The following ZNF37A variants were observed in gnomAD, a reference collection of about 807,000 sequenced individuals.
ZNF37A encodes the protein zinc finger protein 37a (KOX 21).
Under a neutral mutation model 12.3 loss-of-function variants are expected in ZNF37A, and 10 were observed. That is an observed-to-expected ratio of 0.82 (90% CI 0.50 to 1.38). The LOEUF (loss-of-function observed/expected upper bound fraction) is 1.38. Ranked by LOEUF, ZNF37A falls within the 40% of genes most tolerant of loss-of-function variation. The pLI is 0.00. For synonymous variants in ZNF37A, 207 were observed against 223.0 expected (o/e 0.93, Z 0.64); for missense variants, 580 against 651.2 (o/e 0.89, Z 1.19).
downstream of ZNF37A, among the ~76,000 whole-genome samples, chr10:38,126,779 T>C (rs2069934409): frequency 6.6e-6 from 1 of 152,188 alleles, no homozygotes; most frequent in Non-Finnish European, 1.5e-5. Context: ...GCAGAAATCT[T>C]CGCACACTTG....
intron 5 of ZNF37A, among the ~76,000 whole-genome samples, chr10:38,104,456 G>GTTTTTTTTTTTTTTTTTTTTTTT (rs1491239433): frequency 6.9e-6 from 1 of 144,864 alleles, no homozygotes. Flanking sequence ...ATGCTGAGAG[G>GTTTTTTTTTTTTTTTTTTTTTTT]TGTTTTTTGT....
chr10:38,117,889 T>C lies in ZNF37A; in HGVS notation c.738T>C (p.Asn246=). ...THSINNIIEY[N]ECGTFFSEKL... Reference sequence around the variant, plus strand: ...CAATTAACAATATTATTGAATATAATGAGTGTGGAACATTTTTCAGTGAAA... The same window carrying C: ...CAATTAACAATATTATTGAATATAACGAGTGTGGAACATTTTTCAGTGAAA... The change falls in exon 8 of 8, where the codon AAT becomes AAC. Residue 246 remains asparagine (N), a synonymous_variant. Coordinates refer to ENST00000685332, the MANE Select transcript of ZNF37A (RefSeq NM_001324250.3). 1 of 1,613,988 alleles carries C rather than the reference T, an allele frequency of 6.2e-7. No individual in the cohort carries two copies. The highest frequency in any genetic ancestry group is 1.1e-5 in the South Asian group (1 of 91,072).
At chr10:38,098,883 T>A (rs370090093) in intron 5 of ZNF37A, among the ~76,000 whole-genome samples, 2 of 70,302 alleles carry the variant, frequency 2.8e-5, no homozygotes, top group Non-Finnish European at 6.3e-5. Context: ...GCTTTTTGAC[T>A]GTGCACAACT....
chr10:38,103,628 CTG>C (rs1190197457), intron 5 of ZNF37A, among the ~76,000 whole-genome samples: 1 of 152,146 alleles, frequency 6.6e-6, no homozygotes, highest in Non-Finnish European at 1.5e-5. Context: ...TTATTGAAAA[CTG>C]AACATTTTGA....
intron 7 of ZNF37A, chr10:38,142,123 G>C (rs965529922): frequency 6.6e-6 from 1 of 152,142 alleles, no homozygotes; most frequent in African/African-American, 2.4e-5. Context: ...GCATCAAAAG[G>C]GGGAGCAGGG....
chr10:38,136,952 C>T (rs982738437), intron 7 of ZNF37A, among the ~76,000 whole-genome samples: 5 of 152,048 alleles, frequency 3.3e-5, no homozygotes, highest in African/African-American at 1.2e-4. Context: ...AGAGTATTTT[C>T]AGTTATTGTA....
Position 38,115,187 on chromosome 10 carries a change from A to AT in ZNF37A, c.143-6dup. ...GTTTGTCCCAAGTAATACAATTCTC[A>AT]TTCACAGGGTATTGCATTCCTAAAC... On this transcript the variant is annotated splice_polypyrimidine_tract_variant and splice_region_variant and intron_variant, in intron 6 of 7. Coordinates refer to ENST00000685332, the MANE Select transcript of ZNF37A (RefSeq NM_001324250.3). 6.2e-7 allele frequency: 1 copy of AT among 1,611,780 alleles called. No individual in the cohort carries two copies. The highest frequency in any genetic ancestry group is 8.5e-7 in the Non-Finnish European group (1 of 1,179,324).
At chr10:38,135,630 C>A (rs768296371) in intron 7 of ZNF37A, among the ~76,000 whole-genome samples, 1 of 152,134 alleles carries the variant, frequency 6.6e-6, no homozygotes, top group East Asian at 1.9e-4. Context: ...AAGTATCTGA[C>A]ACTGGGTATT....
intron 7 of ZNF37A, chr10:38,141,868 G>GGGAGGT (rs1434494052): frequency 1.3e-4 from 20 of 152,168 alleles, no homozygotes; most frequent in African/African-American, 4.8e-4. Flanking sequence ...CCAGCACTTT[G>GGGAGGT]GGAGGTGGAG....
At position 38,118,081 on chromosome 10, in the gene ZNF37A, G is replaced by C. The variant is rs754288527; in HGVS notation, c.930G>C (p.Lys310Asn). 1.2e-6 allele frequency: 2 copies of C among 1,613,534 alleles called. No homozygotes were observed. Among genetic ancestry groups the C allele is most frequent in the Admixed American group, 3.3e-5 (2 of 59,920 alleles). ...ATGAATGTGGGAAGACCTTCTATAA[G>C]AATTCAGACCTCATTAAACATCAAA... ...ECHECGKTFY[K>N]NSDLIKHQRI... is the part of the protein sequence containing the mutation. Residue 310 changes from lysine (K) to asparagine (N), a missense_variant, in exon 8 of 8, where the codon AAG becomes AAC. Transcript: ENST00000685332.
Position 38,120,724 on chromosome 10 carries a change from A to C in ZNF37A, c.*1887A>C, listed in dbSNP as rs2136049902. ...GGGGTCAGGGGAAGGCATGGGGGGG[A>C]CCAGAAACCAGAAGAACAATCAAGA... is the stretch of plus-strand genomic sequence containing the variant. On this transcript the variant is annotated 3_prime_UTR_variant, in exon 8 of 8. Transcript: ENST00000685332. The C allele has an allele frequency of 6.6e-6, 1 of 152,142 alleles. No individual in the cohort carries two copies. Among genetic ancestry groups the C allele is most frequent in the South Asian group, 2.1e-4 (1 of 4,792 alleles). The allele number at this position is 152,142 out of a possible 1,614,324, so 9.4% of individuals were successfully genotyped here. A position where few individuals can be genotyped will look rare whatever the true frequency, so the allele number is the denominator to read the frequency against.
At chr10:38,135,317 G>A (rs1250158585) in intron 7 of ZNF37A, among the ~76,000 whole-genome samples, 5 of 152,318 alleles carry the variant, frequency 3.3e-5, no homozygotes, top group Non-Finnish European at 2.9e-5. Flanking sequence ...ACTGGGAGGC[G>A]GAGGTTGCAG....
chr10:38,143,654 G>C (rs1392549508), intron 7 of ZNF37A: 1 of 152,184 alleles, frequency 6.6e-6, no homozygotes, highest in Non-Finnish European at 1.5e-5. Flanking sequence ...TGTCAGGAAG[G>C]AGCCCTTCAT....
chr10:38,115,530 T>C, intron 7 of ZNF37A: 1 of 361,880 alleles, frequency 2.8e-6, no homozygotes, highest in Non-Finnish European at 4.9e-6. Context: ...CTATATAGTT[T>C]AGCCAGAGAT....
At chr10:38,141,477 C>A (rs1487256917) in intron 7 of ZNF37A, 1 of 152,182 alleles carries the variant, frequency 6.6e-6, no homozygotes, top group East Asian at 1.9e-4. Flanking sequence ...TGGTTTTCAG[C>A]AAAAGTGCCA....
chr10:38,149,870 T>G (rs2070304891), exon 8 of ZNF37A: 1 of 152,200 alleles, frequency 6.6e-6, no homozygotes, highest in Non-Finnish European at 1.5e-5. Context: ...CCACCGCACA[T>G]GCCCGGTTTT....
chr10:38,128,501 G>A (rs1459951622), downstream of ZNF37A, among the ~76,000 whole-genome samples: 3 of 151,996 alleles, frequency 2.0e-5, no homozygotes, highest in Non-Finnish European at 4.4e-5. Flanking sequence ...TGTCACAAAT[G>A]GTTCCCTGTT....
chr10:38,112,746 T>TTTTCC, intron 5 of ZNF37A, among the ~76,000 whole-genome samples: 1 of 106,402 alleles, frequency 9.4e-6, no homozygotes, highest in Non-Finnish European at 1.9e-5. Flanking sequence ...TTTTCTTTTC[T>TTTTCC]TTTCTTTTCT....
intron 7 of ZNF37A, chr10:38,137,602 T>TTA (rs1187771021): frequency 6.6e-6 from 1 of 152,210 alleles, no homozygotes; most frequent in Non-Finnish European, 1.5e-5. Context: ...AGGTCTTTAT[T>TTA]GTCTACCCTG....
Sources: allele counts gnomAD v4.1 joint callset (sites outside exome capture counted in the v4.1 genomes callset), GRCh38; gene constraint gnomAD v4.1.1; transcripts MANE v1.5; gene names NCBI Gene and HGNC (gene_info 2026-07-23, HGNC 2026-07-21).